The following KCTD18 variants were observed in gnomAD, a reference collection of about 807,000 sequenced individuals.
KCTD18 encodes the protein BTB/POZ domain-containing protein KCTD18.
A neutral mutation model predicts 30.4 loss-of-function variants in KCTD18; 22 were observed. The ratio of observed to expected loss-of-function variants is 0.72; its 90% CI spans 0.52 to 1.03. The LOEUF (loss-of-function observed/expected upper bound fraction) is 1.03. KCTD18 is among the 50% of genes least tolerant of loss of function. The probability of loss-of-function intolerance (pLI) is 0.00; values close to 1 mark genes in which losing one functional copy is unlikely to be tolerated. For missense variants in KCTD18, 529 were observed against 547.6 expected (o/e 0.97, Z 0.34); for synonymous variants, 186 against 209.0 (o/e 0.89, Z 0.95).
chr2:200,496,501 T>G (rs2088000511), intron 5 of KCTD18: 1 of 152,546 alleles, frequency 6.6e-6, no homozygotes. Context: ...TGTTTTGTTT[T>G]GTTTTGTTTT....
At chr2:200,499,192 G>A in intron 3 of KCTD18, 108 bp from the exon 4 acceptor site, 2 of 736,694 alleles carry the variant, frequency 2.7e-6, no homozygotes, top group Non-Finnish European at 4.3e-6. Flanking sequence ...TGATCATAAG[G>A]GAAATAAAAA....
At chr2:200,495,283 T>A (rs2087983095) in intron 5 of KCTD18, among the ~76,000 whole-genome samples, 1 of 152,224 alleles carries the variant, frequency 6.6e-6, no homozygotes, top group South Asian at 2.1e-4. Context: ...AAAAAGTTAT[T>A]TAAAATAACT....
At chr2:200,497,472 T>C (rs1315459559) in intron 5 of KCTD18, 1 of 250,178 alleles carries the variant, frequency 4.0e-6, no homozygotes, top group African/African-American at 2.2e-5. Flanking sequence ...ATTTTTCCAA[T>C]GCACAGTAGG....
intron 3 of KCTD18, among the ~76,000 whole-genome samples, chr2:200,502,915 A>C (rs1421795605): frequency 6.6e-6 from 1 of 152,120 alleles, no homozygotes; most frequent in Non-Finnish European, 1.5e-5. Flanking sequence ...CTGTAATCCC[A>C]GCTACTCAGG....
intron 3 of KCTD18, among the ~76,000 whole-genome samples, chr2:200,500,357 G>A (rs570469954): frequency 1.8e-4 from 27 of 151,682 alleles, no homozygotes; most frequent in African/African-American, 5.1e-4. Flanking sequence ...GTTTGCAGAC[G>A]ACATGATTGT....
At chr2:200,500,932 C>G (rs982979424) in intron 3 of KCTD18, among the ~76,000 whole-genome samples, 1 of 151,862 alleles carries the variant, frequency 6.6e-6, no homozygotes, top group East Asian at 1.9e-4. Context: ...GGTACCAAAA[C>G]AGAGATATAG....
At chr2:200,491,092 A>G (rs1371421637) in intron 6 of KCTD18, among the ~76,000 whole-genome samples, 1 of 152,124 alleles carries the variant, frequency 6.6e-6, no homozygotes, top group Non-Finnish European at 1.5e-5. Flanking sequence ...TGTGATCCCC[A>G]ATGTTGGAGG....
chr2:200,501,152 T>C (rs1231560956), intron 3 of KCTD18, among the ~76,000 whole-genome samples: 2 of 152,244 alleles, frequency 1.3e-5, no homozygotes, highest in South Asian at 2.1e-4. Flanking sequence ...GATTAAAGAC[T>C]TAAACGTTAG....
At chr2:200,497,489 A>T in intron 5 of KCTD18, 1 of 351,506 alleles carries the variant, frequency 2.8e-6, no homozygotes. Flanking sequence ...TAGGTACTAA[A>T]TGAACTCTTA....
chr2:200,501,717 A>T (rs1347533483), intron 3 of KCTD18, among the ~76,000 whole-genome samples: 3 of 150,610 alleles, frequency 2.0e-5, no homozygotes, highest in Non-Finnish European at 3.0e-5. Flanking sequence ...ACCATTGTGG[A>T]AGTCAGTGTG....
In KCTD18 at chr2:200,490,528, T is replaced by C; in HGVS notation, c.853A>G (p.Thr285Ala). Reference sequence around the variant, plus strand: ...GCCGAGTTCTTGACTTTAATTTGGGTACTTGTGGAAGGGCCCAAAAATCTA... The same window carrying C: ...GCCGAGTTCTTGACTTTAATTTGGGCACTTGTGGAAGGGCCCAAAAATCTA... ...PVRFLGPSTS[T>A]QIKVKNSASV... Residue 285 changes from threonine (T) to alanine (A), a missense_variant, in exon 7 of 7, where the codon ACC becomes GCC. Thr to Ala is a moderately conservative substitution (Grantham distance 58, BLOSUM62 0). Transcript: ENST00000359878. 1.9e-6 allele frequency: 3 copies of C among 1,605,082 alleles called. No individual in the cohort carries two copies. The highest frequency in any genetic ancestry group is 2.5e-6 in the Non-Finnish European group (3 of 1,179,974).
intron 1 of KCTD18, among the ~76,000 whole-genome samples, chr2:200,507,428 C>G (rs989686968): frequency 1.3e-5 from 2 of 152,212 alleles, no homozygotes; most frequent in African/African-American, 4.8e-5. Context: ...CATGATAAGT[C>G]TGAGGGAGCC....
chr2:200,502,236 A>G (rs1574805790), intron 3 of KCTD18, among the ~76,000 whole-genome samples: 1 of 152,152 alleles, frequency 6.6e-6, no homozygotes, highest in East Asian at 1.9e-4. Context: ...ATGTATACAT[A>G]TGTAACTAAC....
chr2:200,490,175 G>A lies in KCTD18; in HGVS notation c.1206C>T (p.Ser402=). The change falls in exon 7 of 7, where the codon TCC becomes TCT. Residue 402 remains serine, a synonymous_variant. Transcript: ENST00000359878. The part of the protein sequence containing the change: ...PSPTATRQAN[S]LKPLPGEAAR... ...CAGCTTCGCCGGGAAGCGGCTTGAG[G>A]GAGTTGGCCTGCCTCGTGGCCGTGG... 6.2e-7 allele frequency: 1 copy of A among 1,612,802 alleles called. No homozygotes were observed. Among genetic ancestry groups the A allele is most frequent in the South Asian group, 1.1e-5 (1 of 91,038 alleles).
chr2:200,492,922 AT>A (rs3835857), intron 6 of KCTD18, among the ~76,000 whole-genome samples: 86,273 of 151,948 alleles, frequency 0.57, 26,163 homozygotes, highest in Middle Eastern at 0.71. Flanking sequence ...TCCACTAGTA[AT>A]TTTAGAATCA....
Position 200,490,050 on chromosome 2 carries a change from G to T in KCTD18, c.*50C>A, listed in dbSNP as rs375621915. On this transcript the variant is annotated 3_prime_UTR_variant, in exon 7 of 7. Transcript: ENST00000359878. ...AAGTGTCACTTCTTTGCGTCGAATGGGTTGAAAGCTTTGGGAGATGAACGG... is the reference window on the plus strand; with the variant it reads ...AAGTGTCACTTCTTTGCGTCGAATGTGTTGAAAGCTTTGGGAGATGAACGG... 6.6e-7 allele frequency: 1 copy of T among 1,512,116 alleles called. No individual in the cohort carries two copies. The allele number at this position is 1,512,116 out of a possible 1,614,324, so 93.7% of individuals were successfully genotyped here. A position where few individuals can be genotyped will look rare whatever the true frequency, so the allele number is the denominator to read the frequency against.
intron 5 of KCTD18, among the ~76,000 whole-genome samples, chr2:200,495,666 C>T (rs539070580): frequency 4.0e-5 from 6 of 150,856 alleles, no homozygotes; most frequent in South Asian, 2.1e-4. Flanking sequence ...CCGCCTGCCA[C>T]GTGTTTACTT....
chr2:200,490,047 A>G lies in KCTD18; in HGVS notation c.*53T>C. 2.0e-6 allele frequency: 3 copies of G among 1,504,676 alleles called. No homozygotes were observed. The highest frequency in any genetic ancestry group is 1.9e-4 in the Middle Eastern group (1 of 5,198). 93.2% of individuals were successfully genotyped at this position (1,504,676 alleles called of 1,614,324 possible). On this transcript the variant is annotated 3_prime_UTR_variant, in exon 7 of 7. Coordinates refer to ENST00000359878, the MANE Select transcript of KCTD18 (RefSeq NM_152387.4). ...AGAAAGTGTCACTTCTTTGCGTCGA[A>G]TGGGTTGAAAGCTTTGGGAGATGAA...
At chr2:200,498,512 A>T (rs564954467) in intron 4 of KCTD18, among the ~76,000 whole-genome samples, 1 of 152,370 alleles carries the variant, frequency 6.6e-6, no homozygotes, top group East Asian at 1.9e-4. Context: ...GCCAGCCCTG[A>T]GTCACTCAGT....
Sources: allele counts gnomAD v4.1 joint callset (sites outside exome capture counted in the v4.1 genomes callset), GRCh38; gene constraint gnomAD v4.1.1; transcripts MANE v1.5; gene names NCBI Gene and HGNC (gene_info 2026-07-23, HGNC 2026-07-21).